Variants in PALS1 observed in about 807,000 individuals in gnomAD.
PALS1 encodes the protein protein associated with LIN7 1, MAGUK p55 family member, also known as protein PALS1.
In PALS1, 31 loss-of-function variants were observed where a neutral mutation model predicts 78.9. The ratio of observed to expected loss-of-function variants is 0.39; its 90% CI spans 0.30 to 0.53. The LOEUF is 0.53. Ranked by LOEUF, PALS1 falls within the 20% of genes least tolerant of loss-of-function variation. The pLI is 0.67. For synonymous variants in PALS1, 276 were observed against 270.9 expected, an observed-to-expected ratio of 1.02 and a Z score of -0.18; for missense variants, 704 against 826.5, an observed-to-expected ratio of 0.85 and a Z score of 1.82.
intron 1 of PALS1, among the ~76,000 whole-genome samples, chr14:67,266,332 T>C (rs1271507888): frequency 2.1e-5 from 3 of 142,684 alleles, no homozygotes; most frequent in Admixed American, 1.4e-4. Context: ...AATTCAAATA[T>C]TTCAATTTTT....
intron 9 of PALS1, among the ~76,000 whole-genome samples, chr14:67,315,465 A>G (rs1205747911): frequency 1.3e-5 from 2 of 151,718 alleles, no homozygotes; most frequent in African/African-American, 2.4e-5. Flanking sequence ...TTTAGTAGAG[A>G]TGGGGTTTCA....
chr14:67,323,797 A>C lies in PALS1; in HGVS notation c.1836A>C (p.Glu612Asp), dbSNP rs1343589502. 3.8e-6 allele frequency: 6 copies of C among 1,572,772 alleles called. No individual in the cohort carries two copies. The highest frequency in any genetic ancestry group is 5.2e-6 in the Non-Finnish European group (6 of 1,153,404). The change falls in exon 14 of 15, where the codon GAA (glutamate) becomes GAC (aspartate). Residue 612 changes from glutamate (E) to aspartate (D), a missense_variant. Coordinates refer to ENST00000261681, the MANE Select transcript of PALS1 (RefSeq NM_022474.4). The part of the protein sequence containing the change: ...QERLRALLAK[E>D]GKNPKPEELR... ...GACTTCGGGCATTATTGGCCAAAGA[A>C]GGCAAGAATCCAAAGGTAAAGTTTT...
chr14:67,258,778 G>A (rs894251286), intron 1 of PALS1, among the ~76,000 whole-genome samples: 16 of 152,090 alleles, frequency 1.1e-4, no homozygotes, highest in African/African-American at 3.9e-4. Flanking sequence ...TTCTTAATAA[G>A]TTATTTTGTT....
intron 1 of PALS1, among the ~76,000 whole-genome samples, chr14:67,246,515 AT>A (rs1461138412): frequency 2.6e-5 from 4 of 152,006 alleles, no homozygotes; most frequent in Non-Finnish European, 5.9e-5. Context: ...GATTTTTAAA[AT>A]TTTTTGTAGA....
chr14:67,258,145 T>C (rs965581933), intron 1 of PALS1, among the ~76,000 whole-genome samples: 2 of 151,974 alleles, frequency 1.3e-5, no homozygotes, highest in Non-Finnish European at 2.9e-5. Flanking sequence ...CATACATAGA[T>C]AGCAGTGTGC....
intron 3 of PALS1, among the ~76,000 whole-genome samples, chr14:67,289,896 G>A (rs2084748415): frequency 6.6e-6 from 1 of 150,526 alleles, no homozygotes; most frequent in African/African-American, 2.4e-5. Flanking sequence ...TCAGCCTCTC[G>A]AGTAGCTGGG....
At chr14:67,302,181 T>C in intron 6 of PALS1, 63 bp downstream of exon 6, 2 of 1,487,270 alleles carry the variant, frequency 1.3e-6, no homozygotes, top group Non-Finnish European at 1.8e-6. Context: ...GCTTCAAAAG[T>C]CTGGTTAATT....
At chr14:67,295,945 A>C (rs72717379) in intron 4 of PALS1, among the ~76,000 whole-genome samples, 4,557 of 152,236 alleles carry the variant, frequency 0.03, 85 homozygotes, top group Non-Finnish European at 0.036. Context: ...ACCAAAAAAA[A>C]CCTAGATGTT....
intron 14 of PALS1, among the ~76,000 whole-genome samples, chr14:67,328,197 C>G (rs993835471): frequency 6.6e-6 from 1 of 152,166 alleles, no homozygotes; most frequent in Non-Finnish European, 1.5e-5. Flanking sequence ...GATGGTATCT[C>G]ATTGTGGTTT....
At chr14:67,243,303 T>C (rs1243709306) in intron 1 of PALS1, among the ~76,000 whole-genome samples, 1 of 150,066 alleles carries the variant, frequency 6.7e-6, no homozygotes, top group African/African-American at 2.5e-5. Flanking sequence ...TCTCCTGCTC[T>C]CAGCCTCCCG....
chr14:67,263,167 TTGA>T (rs1351874465), intron 1 of PALS1, among the ~76,000 whole-genome samples: 11 of 152,304 alleles, frequency 7.2e-5, no homozygotes, highest in African/African-American at 2.6e-4. Flanking sequence ...GAATTTTCTG[TTGA>T]TGAAAAATGA....
At chr14:67,288,262 AG>A (rs1193923628) in intron 3 of PALS1, among the ~76,000 whole-genome samples, 1 of 152,062 alleles carries the variant, frequency 6.6e-6, no homozygotes, top group Non-Finnish European at 1.5e-5. Context: ...TTGTATTTTC[AG>A]TAGAGACGGG....
In PALS1 at chr14:67,286,768, G is replaced by A. The variant is rs1423384977; in HGVS notation, c.368-5743G>A. On this transcript the variant is annotated intron_variant, in intron 3 of 14. Transcript: ENST00000261681. ...AGCTACTTGGGAGGCTAGGTGGGAG[G>A]ATCGCTGGAACCTGAGAAGTTGAGG... is the stretch of plus-strand genomic sequence containing the variant. 3.4e-5 allele frequency among the ~76,000 whole-genome samples: 5 copies of A among 147,982 alleles called. No individual in the cohort carries two copies. In the East Asian group the frequency reaches 1.0e-3, roughly 30 times the overall value.
At chr14:67,248,547 C>T (rs937355430) in intron 1 of PALS1, among the ~76,000 whole-genome samples, 4 of 152,072 alleles carry the variant, frequency 2.6e-5, no homozygotes, top group Non-Finnish European at 4.4e-5. Context: ...TTTATAGTTT[C>T]TTCTTCAGTT....
intron 14 of PALS1, among the ~76,000 whole-genome samples, chr14:67,326,221 ATTTTTTTTTTTT>A (rs760127048): frequency 8.3e-3 from 107 of 12,878 alleles, no homozygotes; most frequent in African/African-American, 0.017. Flanking sequence ...TTTAGGTCTG[ATTTTTTTTTTTT>A]TTTTTTTTTT....
intron 13 of PALS1, among the ~76,000 whole-genome samples, chr14:67,323,232 C>CATGTGTGT (rs57594216): frequency 9.0e-4 from 129 of 143,618 alleles, no homozygotes; most frequent in African/African-American, 3.2e-3. Context: ...CATATATACA[C>CATGTGTGT]GTGTGTGTGT....
At chr14:67,241,796 T>G (rs1040695661) in intron 1 of PALS1, 1 of 151,660 alleles carries the variant, frequency 6.6e-6, no homozygotes, top group African/African-American at 2.4e-5. Flanking sequence ...GGCATGCACC[T>G]TGGCGCGGGC....
At chr14:67,326,949 C>T (rs1037522630) in intron 14 of PALS1, among the ~76,000 whole-genome samples, 17 of 152,184 alleles carry the variant, frequency 1.1e-4, no homozygotes, top group Admixed American at 7.2e-4. Flanking sequence ...CCGAGGCGGG[C>T]AGATCACTTG....
intron 9 of PALS1, among the ~76,000 whole-genome samples, chr14:67,313,318 A>G (rs961914831): frequency 1.3e-5 from 2 of 152,224 alleles, no homozygotes; most frequent in East Asian, 3.8e-4. Flanking sequence ...GTTCTGAGAA[A>G]TGTGCCATTA....
Sources: allele counts gnomAD v4.1 joint callset (sites outside exome capture counted in the v4.1 genomes callset), GRCh38; gene constraint gnomAD v4.1.1; transcripts MANE v1.5; gene names NCBI Gene and HGNC (gene_info 2026-07-23, HGNC 2026-07-21).